The following TOR3A variants were observed in gnomAD, a reference collection of about 807,000 sequenced individuals.
TOR3A encodes torsin family 3 member A.
A neutral mutation model predicts 42.1 loss-of-function variants in TOR3A; 44 were observed. The ratio of observed to expected loss-of-function variants is 1.04; its 90% CI spans 0.82 to 1.34. The LOEUF (loss-of-function observed/expected upper bound fraction) is 1.34, where lower values mean the gene tolerates loss of function less well. Ranked by LOEUF, TOR3A falls within the 40% of genes most tolerant of loss-of-function variation. The probability of loss-of-function intolerance (pLI) is 0.00; values close to 1 mark genes in which losing one functional copy is unlikely to be tolerated. For missense variants in TOR3A, 521 were observed against 507.6 expected, an observed-to-expected ratio of 1.03 and a Z score of -0.25; for synonymous variants, 227 against 213.2, an observed-to-expected ratio of 1.06 and a Z score of -0.57.
chr1:179,089,341 A>C (rs943768469), intron 4 of TOR3A, among the ~76,000 whole-genome samples: 1 of 149,198 alleles, frequency 6.7e-6, no homozygotes, highest in African/African-American at 2.5e-5. Context: ...AAAAAAAGTG[A>C]AACAGGTTTA....
chr1:179,094,305 C>T (rs1162068501), intron 5 of TOR3A, 88 bp downstream of exon 5: 2 of 1,501,734 alleles, frequency 1.3e-6, no homozygotes, highest in African/African-American at 1.4e-5. Context: ...ATGAAGCAGA[C>T]AGGGTACTTG....
At chr1:179,086,026 C>G in intron 3 of TOR3A, 133 bp downstream of exon 3, 1 of 1,015,680 alleles carries the variant, frequency 9.8e-7, no homozygotes, top group South Asian at 1.6e-5. Flanking sequence ...TGTGACAGAG[C>G]CACTCCGTCC....
rs1441178322 is a variant in TOR3A at position 179,094,186 on chromosome 1, C to T, written c.912C>T (p.Pro304=). 7 of 1,613,932 alleles carry T rather than the reference C, an allele frequency of 4.3e-6. No homozygotes were observed. Among genetic ancestry groups the T allele is most frequent in the Middle Eastern group, 1.6e-4 (1 of 6,062 alleles). ...REEITMEHLE[P]HLQAEIVETI... is the part of the protein sequence containing the mutation. ...AAATTACGATGGAACACCTGGAGCC[C>T]CACCTCCAGGCGGAGATTGTGGAGA... is the stretch of plus-strand genomic sequence containing the variant. Residue 304 remains proline (P), a synonymous_variant, in exon 5 of 6, where the codon CCC becomes CCT. Transcript: ENST00000367627.
intron 3 of TOR3A, among the ~76,000 whole-genome samples, chr1:179,086,329 CTACG>C (rs1423280613): frequency 1.3e-5 from 2 of 152,196 alleles, no homozygotes; most frequent in Non-Finnish European, 2.9e-5. Flanking sequence ...GTCATTGTAA[CTACG>C]TTGGACAGAA....
intron 4 of TOR3A, chr1:179,091,562 A>T (rs1381344969): frequency 1.3e-5 from 2 of 152,268 alleles, no homozygotes; most frequent in Non-Finnish European, 2.9e-5. Flanking sequence ...CCCTTTATTT[A>T]CTAAAGGCTG....
intron 2 of TOR3A, among the ~76,000 whole-genome samples, chr1:179,083,668 A>G (rs894414471): frequency 6.7e-6 from 1 of 148,840 alleles, no homozygotes; most frequent in African/African-American, 2.4e-5. Context: ...CTTGGCCTCC[A>G]AGAGTGCTGT....
intron 3 of TOR3A, among the ~76,000 whole-genome samples, chr1:179,087,210 C>A (rs896541014): frequency 6.6e-6 from 1 of 152,242 alleles, no homozygotes; most frequent in African/African-American, 2.4e-5. Flanking sequence ...AAAGAACCAT[C>A]TTTTCACTTG....
chr1:179,094,120 G>A lies in TOR3A; in HGVS notation c.846G>A (p.Glu282=), dbSNP rs753850517. ...LSNLRGDIIN[E]VVLKLLKAGW... ...ATCTCAGGGGCGATATAATCAATGA[G>A]GTGGTCCTAAAGTTGCTCAAGGCTG... Residue 282 remains glutamate (E), a synonymous_variant, in exon 5 of 6, where the codon GAG becomes GAA. Transcript: ENST00000367627. 2.5e-6 allele frequency: 4 copies of A among 1,614,006 alleles called. No homozygotes were observed. The highest frequency in any genetic ancestry group is 3.4e-6 in the Non-Finnish European group (4 of 1,179,950).
chr1:179,094,086 C>G lies in TOR3A; in HGVS notation c.819-7C>G, dbSNP rs767445865. 1.2e-6 allele frequency: 2 copies of G among 1,611,518 alleles called. No homozygotes were observed. The highest frequency in any genetic ancestry group is 1.7e-6 in the Non-Finnish European group (2 of 1,179,128). On this transcript the variant is annotated splice_region_variant and splice_polypyrimidine_tract_variant and intron_variant, in intron 4 of 5. Coordinates refer to ENST00000367627, the MANE Select transcript of TOR3A (RefSeq NM_022371.4). The stretch of plus-strand genomic sequence containing the variant: ...CAAATGGGTTAACAAGCTCTTGTCT[C>G]TTTCAGTAATCTCAGGGGCGATATA...
chr1:179,090,168 T>TG (rs1237121207), intron 4 of TOR3A, among the ~76,000 whole-genome samples: 1 of 149,956 alleles, frequency 6.7e-6, no homozygotes, highest in Non-Finnish European at 1.5e-5. Context: ...CACAGCAGGG[T>TG]GGGGAGGTCC....
chr1:179,090,373 C>T (rs1220437688), intron 4 of TOR3A, among the ~76,000 whole-genome samples: 1 of 152,208 alleles, frequency 6.6e-6, no homozygotes, highest in Non-Finnish European at 1.5e-5. Flanking sequence ...TCAGGTAGTC[C>T]AGCGATGGCT....
chr1:179,092,269 G>A (rs1007316806), intron 4 of TOR3A, among the ~76,000 whole-genome samples: 5 of 152,200 alleles, frequency 3.3e-5, no homozygotes, highest in African/African-American at 1.2e-4. Context: ...TGTGGTCACA[G>A]GCTAAATGAG....
At chr1:179,094,910 A>T (rs1324042756) in intron 5 of TOR3A, 58 bp from the exon 6 acceptor site, 16 of 1,569,794 alleles carry the variant, frequency 1.0e-5, no homozygotes, top group Non-Finnish European at 1.4e-5. Flanking sequence ...ACCCCCGCTA[A>T]ATTCCAGCTA....
In TOR3A at chr1:179,094,197, C is replaced by T. The variant is rs748182016; in HGVS notation, c.923C>T (p.Ala308Val). ...TMEHLEPHLQAEIVETIDNGF... is the reference protein window; with the variant it reads ...TMEHLEPHLQVEIVETIDNGF... The stretch of plus-strand genomic sequence containing the variant: ...GAACACCTGGAGCCCCACCTCCAGG[C>T]GGAGATTGTGGAGACCATAGGTGAG... The change falls in exon 5 of 6, where the codon GCG (alanine) becomes GTG (valine). Residue 308 changes from alanine to valine, a missense_variant. Physicochemically the swap from Ala to Val is moderately conservative, Grantham distance 64. Transcript: ENST00000367627. 1.1e-4 allele frequency: 179 copies of T among 1,613,744 alleles called. No individual in the cohort carries two copies. Among genetic ancestry groups the T allele is most frequent in the Non-Finnish European group, 1.4e-4 (169 of 1,179,860 alleles).
chr1:179,084,414 A>AG (rs1191681072), intron 2 of TOR3A, among the ~76,000 whole-genome samples: 1 of 151,780 alleles, frequency 6.6e-6, no homozygotes, highest in African/African-American at 2.4e-5. Flanking sequence ...TTTAGTAGAG[A>AG]GGGGGTTCAC....
chr1:179,085,725 A>G lies in TOR3A; in HGVS notation c.471A>G (p.Pro157=), dbSNP rs1400473478. The G allele has an allele frequency of 3.7e-6, 6 of 1,614,248 alleles. No homozygotes were observed. Among genetic ancestry groups the G allele is most frequent in the Non-Finnish European group, 4.2e-6 (5 of 1,180,046 alleles). ...GGGGCTACTTAGAGACGCCCCAGCC[A>G]GAAAAGGCCCTTGCTCTGTCGTTCC... ...TVRGYLETPQ[P]EKALALSFHG... Residue 157 remains proline, a synonymous_variant, in exon 3 of 6, where the codon CCA becomes CCG. Transcript: ENST00000367627.
chr1:179,095,348 A>C lies in TOR3A; in HGVS notation c.*130A>C. 1 of 1,522,028 alleles carries C rather than the reference A, an allele frequency of 6.6e-7. No individual in the cohort carries two copies. 94.3% of individuals were successfully genotyped at this position (1,522,028 alleles called of 1,614,324 possible). ...TGGCATCCAGCAGCCACTAACAAACACACAACTGGTGTGTAAAAGGCAGGC... is the reference window on the plus strand; with the variant it reads ...TGGCATCCAGCAGCCACTAACAAACCCACAACTGGTGTGTAAAAGGCAGGC... On this transcript the variant is annotated 3_prime_UTR_variant, in exon 6 of 6. Transcript: ENST00000367627.
intron 4 of TOR3A, 86 bp downstream of exon 4, chr1:179,088,175 C>G: frequency 7.2e-7 from 1 of 1,381,358 alleles, no homozygotes. Context: ...CCCCCAGGTT[C>G]AGAACCTTTC....
chr1:179,090,984 G>A (rs538903939), intron 4 of TOR3A, among the ~76,000 whole-genome samples: 2 of 152,232 alleles, frequency 1.3e-5, no homozygotes, highest in Non-Finnish European at 2.9e-5. Context: ...CCAGCCCCCA[G>A]TGTCTGTTGG....
Sources: allele counts gnomAD v4.1 joint callset (sites outside exome capture counted in the v4.1 genomes callset), GRCh38; gene constraint gnomAD v4.1.1; transcripts MANE v1.5; gene names NCBI Gene and HGNC (gene_info 2026-07-23, HGNC 2026-07-21).